The following FBXO25 variants were observed in gnomAD, a reference collection of about 807,000 sequenced individuals.
The protein encoded by FBXO25 is F-box protein 25.
A neutral mutation model predicts 51.9 loss-of-function variants in FBXO25; 45 were observed. The observed-to-expected ratio is 0.87, with a 90% CI of 0.68 to 1.11. The LOEUF (loss-of-function observed/expected upper bound fraction) is 1.11. Ranked by LOEUF, FBXO25 falls within the 50% of genes most tolerant of loss-of-function variation. FBXO25 has a pLI of 0.00. For missense variants in FBXO25, 507 were observed against 428.5 expected (o/e 1.18, Z -1.62); for synonymous variants, 199 against 151.0 (o/e 1.32, Z -2.33).
intron 5 of FBXO25, among the ~76,000 whole-genome samples, chr8:440,523 A>G (rs543489469): frequency 1.3e-5 from 2 of 152,268 alleles, no homozygotes; most frequent in African/African-American, 4.8e-5. Flanking sequence ...TCCTAAGTCT[A>G]TAAACTTTGA....
intron 1 of FBXO25, among the ~76,000 whole-genome samples, chr8:412,684 C>T (rs1000515891): frequency 6.6e-6 from 1 of 152,234 alleles, no homozygotes; most frequent in Non-Finnish European, 1.5e-5. Flanking sequence ...AACTGAACTA[C>T]TTAGAGTTGC....
At chr8:421,684 G>C (rs911249171) in intron 2 of FBXO25, among the ~76,000 whole-genome samples, 8 of 152,166 alleles carry the variant, frequency 5.3e-5, no homozygotes, top group African/African-American at 1.9e-4. Flanking sequence ...TGTTGACAGA[G>C]GGCCTTAGAG....
At chr8:458,253 G>C (rs1799582661) in intron 7 of FBXO25, 116 bp from the exon 8 acceptor site, 1 of 1,178,776 alleles carries the variant, frequency 8.5e-7, no homozygotes, top group Admixed American at 2.1e-5. Flanking sequence ...ATGACATGGA[G>C]AGCTCTTTTT....
At chr8:431,736 T>G (rs1348744840) in intron 3 of FBXO25, among the ~76,000 whole-genome samples, 1 of 152,182 alleles carries the variant, frequency 6.6e-6, no homozygotes, top group Non-Finnish European at 1.5e-5. Context: ...GAGGCCAAAC[T>G]GAGAGGTGTC....
rs773841250 is a variant in FBXO25 at position 468,707 on chromosome 8, C to G, written c.988-8C>G. The G allele has an allele frequency of 5.8e-5, 93 of 1,612,810 alleles. No homozygotes were observed. The highest frequency in any genetic ancestry group is 7.6e-5 in the Non-Finnish European group (90 of 1,179,384). ...GCCCCCTCCTAACCATCTCCCACCT[C>G]CCCACAGGACTCAGGACACCCCTGC... On this transcript the variant is annotated splice_polypyrimidine_tract_variant and splice_region_variant and intron_variant, in intron 9 of 9. Transcript: ENST00000350302.
Position 471,124 on chromosome 8 carries a change from A to G in FBXO25, c.*2320A>G, listed in dbSNP as rs1800470943. ...AACCATATTAATAGTGTAGGATTCC[A>G]GCTGTTCTGCTGGGCTGGCATATTT... On this transcript the variant is annotated 3_prime_UTR_variant, in exon 10 of 10. Coordinates refer to ENST00000350302, the MANE Select transcript of FBXO25 (RefSeq NM_183420.2). 1.3e-5 allele frequency: 2 copies of G among 152,306 alleles called. No homozygotes were observed. Among genetic ancestry groups the G allele is most frequent in the African/African-American group, 4.8e-5 (2 of 41,554 alleles). 9.4% of individuals were successfully genotyped at this position (152,306 alleles called of 1,614,324 possible).
chr8:458,651 T>C (rs1015107049), intron 8 of FBXO25, 100 bp downstream of exon 8: 1 of 1,129,020 alleles, frequency 8.9e-7, no homozygotes, highest in Non-Finnish European at 1.3e-6. Context: ...AATGGCTGAG[T>C]ATTTTCTACT....
At chr8:450,757 A>G (rs1241371256) in intron 6 of FBXO25, 1 of 152,378 alleles carries the variant, frequency 6.6e-6, no homozygotes, top group African/African-American at 2.4e-5. Flanking sequence ...GTGGTAAAAT[A>G]CACATTACAT....
intron 8 of FBXO25, among the ~76,000 whole-genome samples, chr8:459,366 C>A (rs1463403195): frequency 6.6e-6 from 1 of 152,316 alleles, no homozygotes; most frequent in East Asian, 1.9e-4. Context: ...AGGCAGAGAG[C>A]CGGACCCTAG....
chr8:416,014 C>T (rs1257507039), intron 2 of FBXO25, among the ~76,000 whole-genome samples: 1 of 152,204 alleles, frequency 6.6e-6, no homozygotes, highest in African/African-American at 2.4e-5. Context: ...TGTAGTCAAA[C>T]ATAACGCATT....
intron 9 of FBXO25, among the ~76,000 whole-genome samples, chr8:464,431 C>CG (rs1215935550): frequency 6.6e-6 from 1 of 152,166 alleles, no homozygotes; most frequent in African/African-American, 2.4e-5. Flanking sequence ...GGCTGCTCTG[C>CG]GGAGGGAGTC....
chr8:412,968 T>C, intron 1 of FBXO25, 105 bp from the exon 2 acceptor site: 1 of 1,012,120 alleles, frequency 9.9e-7, no homozygotes, highest in Non-Finnish European at 1.4e-6. Context: ...TGAGCAGACA[T>C]TTAAATGTTA....
chr8:432,110 C>T (rs1260161908), intron 3 of FBXO25, among the ~76,000 whole-genome samples: 2 of 152,260 alleles, frequency 1.3e-5, no homozygotes, highest in East Asian at 3.9e-4. Context: ...AAGATGGCCA[C>T]CATCACTGCT....
intron 2 of FBXO25, among the ~76,000 whole-genome samples, chr8:422,242 GCAT>G (rs951572613): frequency 1.3e-5 from 2 of 152,330 alleles, no homozygotes; most frequent in African/African-American, 4.8e-5. Flanking sequence ...CTCAAAGGTG[GCAT>G]CATATTGGCA....
chr8:430,995 T>C (rs1457682914), intron 2 of FBXO25, among the ~76,000 whole-genome samples: 2 of 152,214 alleles, frequency 1.3e-5, no homozygotes, highest in East Asian at 1.9e-4. Flanking sequence ...TTGGTCAGTA[T>C]TGGGTATCAT....
intron 2 of FBXO25, among the ~76,000 whole-genome samples, chr8:423,960 C>T (rs947731878): frequency 6.6e-6 from 1 of 152,088 alleles, no homozygotes; most frequent in Non-Finnish European, 1.5e-5. Context: ...CATCTGTTGT[C>T]TTTGACTTTT....
intron 2 of FBXO25, among the ~76,000 whole-genome samples, chr8:423,442 C>T (rs1797279189): frequency 6.6e-6 from 1 of 152,076 alleles, no homozygotes; most frequent in East Asian, 1.9e-4. Flanking sequence ...TAACCCACCC[C>T]CACTCCCTCT....
At chr8:428,449 C>T (rs932462681) in intron 2 of FBXO25, among the ~76,000 whole-genome samples, 3 of 151,694 alleles carry the variant, frequency 2.0e-5, no homozygotes, top group African/African-American at 7.3e-5. Context: ...CCCCATCCCT[C>T]GGACATGCAC....
intron 2 of FBXO25, among the ~76,000 whole-genome samples, chr8:413,758 T>A (rs1251211156): frequency 3.9e-5 from 6 of 152,206 alleles, no homozygotes; most frequent in Non-Finnish European, 7.3e-5. Flanking sequence ...AGACACGACC[T>A]GTGTTTCAGT....
Sources: allele counts gnomAD v4.1 joint callset (sites outside exome capture counted in the v4.1 genomes callset), GRCh38; gene constraint gnomAD v4.1.1; transcripts MANE v1.5; gene names NCBI Gene and HGNC (gene_info 2026-07-23, HGNC 2026-07-21).